Variants in DNAH5 observed in about 807,000 individuals in gnomAD.
DNAH5 encodes axonemal beta dynein heavy chain 5.
Under a neutral mutation model 518.2 loss-of-function variants are expected in DNAH5, and 372 were observed. The ratio of observed to expected loss-of-function variants is 0.72; its 90% CI spans 0.66 to 0.78. The LOEUF is 0.78. DNAH5 is among the 30% of genes least tolerant of loss of function. DNAH5 has a pLI of 0.00. For missense variants in DNAH5, 5,523 were observed against 5,687.0 expected (o/e 0.97, Z 0.93); for synonymous variants, 2,039 against 2,025.9 (o/e 1.01, Z -0.17).
intron 39 of DNAH5, among the ~76,000 whole-genome samples, 168 bp downstream of exon 39, chr5:13,824,031 A>C (rs1762574220): frequency 6.6e-6 from 1 of 152,210 alleles, no homozygotes; most frequent in Non-Finnish European, 1.5e-5. Flanking sequence ...ATCATTACCC[A>C]AAAAAATGTC....
chr5:13,796,410 A>G (rs1015573100), intron 47 of DNAH5, among the ~76,000 whole-genome samples: 10 of 152,298 alleles, frequency 6.6e-5, no homozygotes, highest in Middle Eastern at 3.4e-3. Flanking sequence ...CCATTAACAG[A>G]CAAACAGAGA....
chr5:13,794,104 A>T (rs1757463254), intron 47 of DNAH5, 46 bp from the exon 48 acceptor site: 1 of 1,612,870 alleles, frequency 6.2e-7, no homozygotes, highest in Non-Finnish European at 8.5e-7. Flanking sequence ...ATATCCCCTA[A>T]AACCTGGTCA....
In DNAH5 at chr5:13,786,281, T is replaced by C. The variant is rs756991846; in HGVS notation, c.8718A>G (p.Leu2906=). The change falls in exon 52 of 79, where the codon CTA becomes CTG. Residue 2906 remains leucine (L), a synonymous_variant. Coordinates refer to ENST00000265104, the MANE Select transcript of DNAH5 (RefSeq NM_001369.3). The part of the protein sequence containing the change: ...IYEPIESFSH[L]KERLNMFLQL... ...GCAGGAACATATTCAGACGCTCTTT[T>C]AGGTGACTAAAAGATTCAATTGGCT... The C allele has an allele frequency of 3.7e-6, 6 of 1,614,120 alleles. No homozygotes were observed. Among genetic ancestry groups the C allele is most frequent in the East Asian group, 2.2e-5 (1 of 44,872 alleles).
intron 50 of DNAH5, among the ~76,000 whole-genome samples, chr5:13,790,519 CAT>C (rs1435068286): frequency 6.6e-6 from 1 of 152,176 alleles, no homozygotes; most frequent in Non-Finnish European, 1.5e-5. Flanking sequence ...ATAATCCCCA[CAT>C]GTCAAGGGAG....
At chr5:13,947,971 G>A (rs1380384021), upstream of DNAH5, among the ~76,000 whole-genome samples, 1 of 152,188 alleles carries the variant, frequency 6.6e-6, no homozygotes, top group East Asian at 1.9e-4. Flanking sequence ...TATAATTGCT[G>A]TTGGCCAGAC....
At chr5:13,769,349 C>T in intron 57 of DNAH5, 152 bp downstream of exon 57, 1 of 891,052 alleles carries the variant, frequency 1.1e-6, no homozygotes, top group Non-Finnish European at 1.8e-6. Flanking sequence ...CTGCACTTAC[C>T]CAGTTTTTTA....
At position 13,854,341 on chromosome 5, in the gene DNAH5, G is replaced by A. The variant is rs544580768; in HGVS notation, c.4951-3526C>T. ...TGATGAGGGACTTTGTCAGCACCAG[G>A]CCTGCCTTACAAGAGCTCCTGAAGG... On this transcript the variant is annotated intron_variant, in intron 30 of 78. Transcript: ENST00000265104. Among the ~76,000 whole-genome samples, 9 of 152,290 alleles carry A rather than the reference G, an allele frequency of 5.9e-5. No homozygotes were observed. In the East Asian group the frequency reaches 1.5e-3, roughly 26 times the overall value.
At chr5:13,971,595 G>T (rs989298209) in intron 1 of DNAH5, among the ~76,000 whole-genome samples, 1 of 152,142 alleles carries the variant, frequency 6.6e-6, no homozygotes, top group Non-Finnish European at 1.5e-5. Flanking sequence ...CTGGTACTGG[G>T]GAGTGTCTGC....
chr5:13,787,869 CA>C (rs1756314558), intron 51 of DNAH5, among the ~76,000 whole-genome samples: 1 of 152,160 alleles, frequency 6.6e-6, no homozygotes, highest in Non-Finnish European at 1.5e-5. Context: ...TTACAGTTAT[CA>C]AATCTAGAGA....
intron 47 of DNAH5, among the ~76,000 whole-genome samples, chr5:13,806,178 A>T (rs1759551137): frequency 6.6e-6 from 1 of 152,214 alleles, no homozygotes; most frequent in South Asian, 2.1e-4. Context: ...GCGGTATTAA[A>T]GGAACACATA....
intron 1 of DNAH5, among the ~76,000 whole-genome samples, chr5:13,973,301 C>T (rs1490885574): frequency 2.0e-5 from 3 of 152,204 alleles, no homozygotes; most frequent in Non-Finnish European, 2.9e-5. Flanking sequence ...TTGATTTTAG[C>T]CCGGTAAAAC....
chr5:13,784,647 G>A (rs1270752132), intron 52 of DNAH5, among the ~76,000 whole-genome samples: 3 of 152,168 alleles, frequency 2.0e-5, no homozygotes, highest in Admixed American at 2.0e-4. Context: ...ATTTTTAGAG[G>A]TGACAATTTG....
intron 1 of DNAH5, among the ~76,000 whole-genome samples, chr5:13,985,430 AATATATAT>A (rs145568740): frequency 0.095 from 12,044 of 127,192 alleles, 807 homozygotes; most frequent in East Asian, 0.18. Context: ...AGTATAATAA[AATATATAT>A]ATATATATAT....
chr5:13,834,767 T>C (rs1310992293), intron 35 of DNAH5, among the ~76,000 whole-genome samples: 2 of 152,186 alleles, frequency 1.3e-5, no homozygotes, highest in Non-Finnish European at 2.9e-5. Flanking sequence ...AAGGAGCAGG[T>C]GGCCTGAGCT....
chr5:13,997,799 T>G (rs1784066229), intron 1 of DNAH5, among the ~76,000 whole-genome samples: 1 of 152,164 alleles, frequency 6.6e-6, no homozygotes, highest in Admixed American at 6.6e-5. Flanking sequence ...ACAAAATACC[T>G]TAGATTGGAT....
intron 5 of DNAH5, among the ~76,000 whole-genome samples, chr5:13,921,238 C>G (rs889456438): frequency 1.3e-5 from 2 of 151,944 alleles, no homozygotes; most frequent in Admixed American, 1.3e-4. Flanking sequence ...TTGCTTAACT[C>G]CCCCATTCCA....
chr5:13,832,404 C>T (rs930993330), intron 35 of DNAH5, among the ~76,000 whole-genome samples: 2 of 152,228 alleles, frequency 1.3e-5, no homozygotes, highest in Admixed American at 1.3e-4. Context: ...CACTGGTGCC[C>T]AAACTGCCTT....
intron 46 of DNAH5, 120 bp downstream of exon 46, chr5:13,808,924 C>A: frequency 8.0e-7 from 1 of 1,244,316 alleles, no homozygotes. Context: ...CGCGCCACTG[C>A]ACTCCAGCCT....
chr5:13,714,837 T>C (rs533621090), intron 74 of DNAH5, among the ~76,000 whole-genome samples: 28 of 152,370 alleles, frequency 1.8e-4, no homozygotes, highest in Admixed American at 8.5e-4. Context: ...CATGGCTCTT[T>C]ACAGTCTGCA....
Sources: gnomAD v4.1 joint callset for allele counts (sites outside exome capture counted in the v4.1 genomes callset) on GRCh38, gnomAD v4.1.1 for gene constraint, MANE v1.5 for transcripts, NCBI Gene and HGNC (gene_info 2026-07-23, HGNC 2026-07-21) for gene names.